ANKS1A: variants seen among roughly 807,000 people sequenced by gnomAD.
ANKS1A encodes the protein ankyrin repeat and SAM domain-containing protein 1A.
In ANKS1A, 55 loss-of-function variants were observed where a neutral mutation model predicts 120.3. The ratio of observed to expected loss-of-function variants is 0.46; its 90% CI spans 0.37 to 0.57. ANKS1A has a LOEUF of 0.57. ANKS1A is among the 20% of genes least tolerant of loss of function. ANKS1A has a pLI of 0.00. For missense variants in ANKS1A, 1,123 were observed against 1,480.3 expected, an observed-to-expected ratio of 0.76 and a Z score of 3.96; for synonymous variants, 590 against 604.7, an observed-to-expected ratio of 0.98 and a Z score of 0.36.
At chr6:35,027,240 C>T (rs557248223) in intron 11 of ANKS1A, among the ~76,000 whole-genome samples, 1 of 152,252 alleles carries the variant, frequency 6.6e-6, no homozygotes, top group South Asian at 2.1e-4. Context: ...GGTATGCCAC[C>T]ACCACTTGGA....
At position 35,069,722 on chromosome 6, in the gene ANKS1A, T is replaced by A. The variant is rs1352351424; in HGVS notation, c.2185-8836T>A. On this transcript the variant is annotated intron_variant, in intron 13 of 23. Transcript: ENST00000360359. ...TACCTGGCTAATATATATATATTTT[T>A]TTTTTTAAGAGACTGGGTGTCAGTC... Among the ~76,000 whole-genome samples, 221 of 150,422 alleles carry A rather than the reference T, an allele frequency of 1.5e-3. 1 individual carries two copies. Among genetic ancestry groups the A allele is most frequent in the South Asian group, 2.3e-3 (11 of 4,762 alleles).
intron 10 of ANKS1A, among the ~76,000 whole-genome samples, chr6:34,996,349 T>C (rs546166921): frequency 2.1e-4 from 32 of 152,360 alleles, no homozygotes; most frequent in African/African-American, 7.5e-4. Flanking sequence ...TCATTAGATA[T>C]GTGATTTTCT....
chr6:34,997,619 A>G (rs1303096875), intron 10 of ANKS1A, among the ~76,000 whole-genome samples: 18 of 152,234 alleles, frequency 1.2e-4, no homozygotes, highest in Admixed American at 1.2e-3. Context: ...CAATTAATGA[A>G]TGCTGTGTTT....
At chr6:34,993,333 G>A (rs1402099861) in intron 9 of ANKS1A, among the ~76,000 whole-genome samples, 1 of 152,208 alleles carries the variant, frequency 6.6e-6, no homozygotes, top group Non-Finnish European at 1.5e-5. Context: ...GGAAAGCGTG[G>A]CTACTCTGGT....
chr6:35,075,807 G>A (rs1003775195), intron 13 of ANKS1A, among the ~76,000 whole-genome samples: 1 of 152,164 alleles, frequency 6.6e-6, no homozygotes, highest in Admixed American at 6.5e-5. Context: ...TTGGAAACAG[G>A]CTGGACTGCA....
chr6:34,993,932 T>C (rs1013272793), intron 9 of ANKS1A, among the ~76,000 whole-genome samples: 2 of 152,202 alleles, frequency 1.3e-5, no homozygotes, highest in African/African-American at 4.8e-5. Context: ...TAGCATTTTT[T>C]GAAGACTAAA....
chr6:35,081,315 G>A (rs909974975), intron 17 of ANKS1A, among the ~76,000 whole-genome samples, 157 bp downstream of exon 17: 24 of 152,142 alleles, frequency 1.6e-4, no homozygotes, highest in Non-Finnish European at 3.4e-4. Context: ...ACACCCAGCC[G>A]CCTTGCGTAA....
intron 1 of ANKS1A, among the ~76,000 whole-genome samples, chr6:34,941,632 T>TA (rs1227346155): frequency 6.6e-6 from 1 of 152,216 alleles, no homozygotes. Context: ...CAGCAATTTT[T>TA]AAAAAATCTA....
chr6:35,000,803 T>C (rs1187097848), intron 10 of ANKS1A, among the ~76,000 whole-genome samples: 1 of 152,104 alleles, frequency 6.6e-6, no homozygotes, highest in East Asian at 1.9e-4. Context: ...GGCATAAGAA[T>C]GTGGATTTTT....
Position 34,982,588 on chromosome 6 carries a change from G to A in ANKS1A, c.733-164G>A, listed in dbSNP as rs1581592995. On this transcript the variant is annotated intron_variant, in intron 4 of 23. Coordinates refer to ENST00000360359, the MANE Select transcript of ANKS1A (RefSeq NM_015245.3). The surrounding 1 kb of genome is among the most constrained non-coding windows in gnomAD (Gnocchi z 4.9). ...TGGCCTTGGTGTATGGGCCATGATC[G>A]TGGTTTTGGAATCCACACAAGAAAA... Among the ~76,000 whole-genome samples the A allele has an allele frequency of 6.6e-6, 1 of 152,224 alleles. No homozygotes were observed. Among genetic ancestry groups the A allele is most frequent in the Non-Finnish European group, 1.5e-5 (1 of 68,042 alleles).
At chr6:35,006,344 A>G (rs1005052819) in intron 10 of ANKS1A, among the ~76,000 whole-genome samples, 2 of 151,682 alleles carry the variant, frequency 1.3e-5, no homozygotes, top group East Asian at 1.9e-4. Context: ...TCTTAATTGT[A>G]CATTTTAAAA....
chr6:34,906,244 G>A (rs1362829325), intron 1 of ANKS1A, among the ~76,000 whole-genome samples: 1 of 152,170 alleles, frequency 6.6e-6, no homozygotes, highest in African/African-American at 2.4e-5. Flanking sequence ...GAGTTAGACT[G>A]GGGAAAGGAG....
chr6:35,081,121 C>T lies in ANKS1A; in HGVS notation c.2672C>T (p.Pro891Leu). 1 of 1,613,144 alleles carries T rather than the reference C, an allele frequency of 6.2e-7. No individual in the cohort carries two copies. Among genetic ancestry groups the T allele is most frequent in the Non-Finnish European group, 8.5e-7 (1 of 1,179,822 alleles). Residue 891 changes from proline to leucine, a missense_variant, in exon 17 of 24, where the codon CCT (proline) becomes CTT (leucine). Pro to Leu is a moderately conservative substitution (Grantham distance 98). Around this residue, in one of 3 missense-constraint regions of ANKS1A, gnomAD observed 904 missense variants for 1,130.4 expected, o/e 0.80. Transcript: ENST00000360359. ...GRRRHDSLHDPAAPSRAERFR... is the reference protein window; with the variant it reads ...GRRRHDSLHDLAAPSRAERFR... ...AGGCGCCATGACAGTCTCCATGACC[C>T]TGCGGCACCCTCCCGAGCGGAGCGC...
At chr6:34,893,242 A>G (rs917330835) in intron 1 of ANKS1A, among the ~76,000 whole-genome samples, 3 of 152,226 alleles carry the variant, frequency 2.0e-5, no homozygotes, top group Non-Finnish European at 4.4e-5. Flanking sequence ...TCCTCAGTTC[A>G]GCACATACGG....
chr6:34,983,512 A>C, intron 7 of ANKS1A, 87 bp downstream of exon 7: 1 of 1,159,180 alleles, frequency 8.6e-7, no homozygotes, highest in Non-Finnish European at 1.2e-6. Context: ...ATCTTAATTT[A>C]AATAATAATT....
intron 1 of ANKS1A, among the ~76,000 whole-genome samples, chr6:34,947,896 T>C (rs768305446): frequency 6.6e-6 from 1 of 152,194 alleles, no homozygotes; most frequent in Non-Finnish European, 1.5e-5. Flanking sequence ...TTGGCAAATA[T>C]AGCAAATTTG....
chr6:34,917,918 G>T (rs1307525400), intron 1 of ANKS1A, among the ~76,000 whole-genome samples: 1 of 152,150 alleles, frequency 6.6e-6, no homozygotes, highest in Non-Finnish European at 1.5e-5. Context: ...GTTACCAGCT[G>T]CCCTCCTTTC....
At chr6:35,072,591 C>T (rs1325855911) in intron 13 of ANKS1A, among the ~76,000 whole-genome samples, 3 of 152,232 alleles carry the variant, frequency 2.0e-5, no homozygotes, top group Non-Finnish European at 4.4e-5. Flanking sequence ...ATCCAGAGGC[C>T]TGGGCCCACA....
At chr6:34,975,718 C>T (rs1348476144) in intron 3 of ANKS1A, among the ~76,000 whole-genome samples, 5 of 151,910 alleles carry the variant, frequency 3.3e-5, no homozygotes, top group African/African-American at 1.2e-4. Context: ...GAGCAGTGAT[C>T]ACTGTCACCT....
Sources: gnomAD v4.1 joint callset for allele counts (sites outside exome capture counted in the v4.1 genomes callset) on GRCh38, gnomAD v4.1.1 for gene constraint, gnomAD v4.1.1 regional missense constraint, Gnocchi (gnomAD v3.1) non-coding constraint, MANE v1.5 for transcripts, NCBI Gene and HGNC (gene_info 2026-07-23, HGNC 2026-07-21) for gene names.